RELN: variants seen among roughly 807,000 people sequenced by gnomAD.
RELN encodes the protein reelin.
Under a neutral mutation model 427.6 loss-of-function variants are expected in RELN, and 108 were observed. The ratio of observed to expected loss-of-function variants is 0.25; its 90% CI spans 0.22 to 0.30. The LOEUF (loss-of-function observed/expected upper bound fraction) is 0.30, where lower values mean the gene tolerates loss of function less well. RELN is among the 10% of genes least tolerant of loss of function. RELN has a pLI of 1.00. For missense variants in RELN, 3,715 were observed against 4,302.8 expected (o/e 0.86, Z 3.82); for synonymous variants, 1,524 against 1,513.4 (o/e 1.01, Z -0.16).
chr7:103,754,767 C>T (rs189712706), intron 4 of RELN, among the ~76,000 whole-genome samples: 1 of 152,022 alleles, frequency 6.6e-6, no homozygotes. Context: ...GAGAGTCAGA[C>T]CCTGTCTCTA....
chr7:103,892,683 A>C (rs941472456), intron 2 of RELN, among the ~76,000 whole-genome samples: 3 of 152,212 alleles, frequency 2.0e-5, no homozygotes, highest in African/African-American at 7.2e-5. Flanking sequence ...AATATTTGAA[A>C]GAACAATTAT....
intron 2 of RELN, among the ~76,000 whole-genome samples, chr7:103,909,832 T>C (rs1233645494): frequency 2.3e-5 from 1 of 42,712 alleles, no homozygotes; most frequent in Non-Finnish European, 5.0e-5. Flanking sequence ...AAAATATATA[T>C]ATTTAATATA....
At chr7:103,627,407 A>G (rs752377406) in intron 20 of RELN, among the ~76,000 whole-genome samples, 1 of 152,140 alleles carries the variant, frequency 6.6e-6, no homozygotes, top group Non-Finnish European at 1.5e-5. Flanking sequence ...GTGAATTCAC[A>G]TTAAATCTTG....
chr7:103,771,074 C>A (rs1162601527), intron 4 of RELN, among the ~76,000 whole-genome samples: 1 of 151,804 alleles, frequency 6.6e-6, no homozygotes, highest in Non-Finnish European at 1.5e-5. Flanking sequence ...TGCCACCATG[C>A]CTGGCTAATT....
Position 103,539,185 on chromosome 7 carries a change from T to A in RELN, c.7073A>T (p.Glu2358Val). The A allele has an allele frequency of 6.2e-7, 1 of 1,614,246 alleles. No homozygotes were observed. The highest frequency in any genetic ancestry group is 8.5e-7 in the Non-Finnish European group (1 of 1,180,052). ...GSTGDALVFI[E>V]KASTRYVVST... ...GACCACGTAACGGGTGCTGGCCTTT[T>A]CAATGAAGACCAGGGCATCACCAGT... The change falls in exon 45 of 65, where the codon GAA becomes GTA. Residue 2358 changes from glutamate (E) to valine (V), a missense_variant. Coordinates refer to ENST00000428762, the MANE Select transcript of RELN (RefSeq NM_005045.4).
chr7:103,551,938 G>GGT (rs34506983), intron 40 of RELN, among the ~76,000 whole-genome samples: 1,574 of 144,804 alleles, frequency 0.011, 21 homozygotes, highest in African/African-American at 0.032. Flanking sequence ...TGTGTGTGTG[G>GGT]GTGTGTGTGT....
At position 103,800,783 on chromosome 7, in the gene RELN, A is replaced by G. The variant is rs368891232; in HGVS notation, c.474-24156T>C. On this transcript the variant is annotated intron_variant, in intron 3 of 64. Coordinates refer to ENST00000428762, the MANE Select transcript of RELN (RefSeq NM_005045.4). ...CACAGCAAAAGAAACTACCATCAGA[A>G]TGAACAGGCAACCTACAGAATGGGA... is the stretch of plus-strand genomic sequence containing the variant. 7.9e-5 allele frequency among the ~76,000 whole-genome samples: 12 copies of G among 152,252 alleles called. No individual in the cohort carries two copies. In the South Asian group the frequency reaches 8.3e-4, roughly 11 times the overall value.
intron 51 of RELN, chr7:103,504,618 CAG>C (rs1829145303): frequency 6.6e-6 from 1 of 152,332 alleles, no homozygotes; most frequent in African/African-American, 2.4e-5. Context: ...TGAGCTGAAG[CAG>C]AGTGTGGCAG....
chr7:103,925,629 G>A (rs1274316358), intron 1 of RELN, among the ~76,000 whole-genome samples: 2 of 152,038 alleles, frequency 1.3e-5, no homozygotes, highest in Non-Finnish European at 2.9e-5. Context: ...TCATCCTTTT[G>A]TTCTTGCTTT....
At position 103,698,037 on chromosome 7, in the gene RELN, T is replaced by C; in HGVS notation, c.959A>G (p.Lys320Arg). 6.2e-7 allele frequency: 1 copy of C among 1,613,822 alleles called. No homozygotes were observed. The highest frequency in any genetic ancestry group is 1.1e-5 in the South Asian group (1 of 91,082). The change falls in exon 10 of 65, where the codon AAA (lysine) becomes AGA (arginine). Residue 320 changes from lysine to arginine, a missense_variant. Physicochemically the swap from Lys to Arg is conservative, Grantham distance 26 (BLOSUM62 2). This residue lies in a region of RELN where 2,208 missense variants were observed against 2,361.7 expected (regional missense o/e 0.93). Coordinates refer to ENST00000428762, the MANE Select transcript of RELN (RefSeq NM_005045.4). The part of the protein sequence containing the change: ...IHILYLPEDA[K>R]GENVQFQWKQ... Reference sequence around the variant, plus strand: ...CCACTGAAATTGGACATTCTCCCCTTTGGCGTCCTCAGGAAGGTAGAGGAT... The same window carrying C: ...CCACTGAAATTGGACATTCTCCCCTCTGGCGTCCTCAGGAAGGTAGAGGAT...
intron 8 of RELN, among the ~76,000 whole-genome samples, chr7:103,718,473 C>T (rs2299371): frequency 6.6e-6 from 1 of 151,892 alleles, no homozygotes; most frequent in Non-Finnish European, 1.5e-5. Flanking sequence ...TCAGTAATTA[C>T]GTACTGATAA....
chr7:103,520,954 G>GTTTTTTTTTT lies in RELN; in HGVS notation c.7668+1067_7668+1068insAAAAAAAAAA, dbSNP rs1462369530. On this transcript the variant is annotated intron_variant, in intron 48 of 64. Coordinates refer to ENST00000428762, the MANE Select transcript of RELN (RefSeq NM_005045.4). ...GAAATAAAGAGCTGGCAGTAAATTT[G>GTTTTTTTTTT]TTATTTTTTTTTTTTTTTTTTTTTT... Among the ~76,000 whole-genome samples the GTTTTTTTTTT allele has an allele frequency of 3.5e-4, 27 of 78,174 alleles. 5 individuals carry two copies. Among genetic ancestry groups the GTTTTTTTTTT allele is most frequent in the South Asian group, 9.2e-4 (2 of 2,176 alleles). The allele number at this position is 78,174 out of a possible 152,430, so 51.3% of individuals were successfully genotyped here.
intron 8 of RELN, among the ~76,000 whole-genome samples, chr7:103,720,405 A>G (rs1042391586): frequency 7.9e-5 from 12 of 152,108 alleles, no homozygotes; most frequent in African/African-American, 2.7e-4. Flanking sequence ...TACATGCCCA[A>G]TTATGAACAT....
intron 1 of RELN, among the ~76,000 whole-genome samples, chr7:103,971,824 G>C (rs1796769586): frequency 6.8e-6 from 1 of 147,536 alleles, no homozygotes; most frequent in African/African-American, 2.5e-5. Flanking sequence ...TGTAATCCCA[G>C]CACTTTGGGA....
Position 103,635,577 on chromosome 7 carries a change from C to A in RELN, c.2313G>T (p.Gln771His), listed in dbSNP as rs777581847. 1.7e-5 allele frequency: 27 copies of A among 1,613,530 alleles called. No individual in the cohort carries two copies. In the Admixed American group the frequency reaches 4.5e-4, roughly 27 times the overall value. The change falls in exon 19 of 65, where the codon CAG (glutamine) becomes CAT (histidine). Residue 771 changes from glutamine (Q) to histidine (H), a missense_variant. Around this residue, in one of 4 missense-constraint regions of RELN, gnomAD observed 2,208 missense variants for 2,361.7 expected, o/e 0.93. Coordinates refer to ENST00000428762, the MANE Select transcript of RELN (RefSeq NM_005045.4). ...FLDSSQSRFL[Q>H]FTLRLGSKSV... ...ATTTGCTCCCCAGTCTCAGTGTGAA[C>A]TGGAGAAACCTAGACAGAAATTGTC...
At chr7:103,700,870 T>A (rs759724173) in intron 9 of RELN, 40 bp downstream of exon 9, 3 of 1,245,206 alleles carry the variant, frequency 2.4e-6, no homozygotes, top group African/African-American at 2.9e-5. Context: ...GAACTCCATC[T>A]ATGTCAGAAT....
At chr7:103,700,861 A>G (rs1163416973) in intron 9 of RELN, 49 bp downstream of exon 9, 4 of 1,138,342 alleles carry the variant, frequency 3.5e-6, no homozygotes, top group Middle Eastern at 1.9e-4. Context: ...AGGAGAGTAG[A>G]ACTCCATCTA....
At chr7:103,780,136 C>T (rs1261825500) in intron 3 of RELN, among the ~76,000 whole-genome samples, 2 of 152,230 alleles carry the variant, frequency 1.3e-5, no homozygotes, top group African/African-American at 4.8e-5. Context: ...CTCATCATTT[C>T]CGTTGGAACT....
intron 1 of RELN, among the ~76,000 whole-genome samples, chr7:103,939,921 A>G (rs1796073667): frequency 6.6e-6 from 1 of 152,318 alleles, no homozygotes; most frequent in East Asian, 1.9e-4. Context: ...TTCTGTTTAA[A>G]AGCATATTTA....
Sources: gnomAD v4.1 joint callset for allele counts (sites outside exome capture counted in the v4.1 genomes callset) on GRCh38, gnomAD v4.1.1 for gene constraint, gnomAD v4.1.1 regional missense constraint, MANE v1.5 for transcripts, NCBI Gene and HGNC (gene_info 2026-07-23, HGNC 2026-07-21) for gene names.